The following ANK3 variants were observed in gnomAD, a reference collection of about 807,000 sequenced individuals.
The protein encoded by ANK3 is ankyrin 3, also known as ankyrin-3.
Under a neutral mutation model 370.9 loss-of-function variants are expected in ANK3, and 57 were observed. The observed-to-expected ratio is 0.15, with a 90% confidence interval of 0.12 to 0.19. ANK3 has a LOEUF of 0.19. Among genes scored for constraint, ANK3 ranks in the 10% least tolerant of loss-of-function variants. ANK3 has a pLI of 1.00. For missense variants in ANK3, 4,439 were observed against 5,302.1 expected (o/e 0.84, Z 5.06); for synonymous variants, 1,929 against 1,946.3 (o/e 0.99, Z 0.23).
chr10:60,298,150 G>A (rs2042936081), intron 1 of ANK3, among the ~76,000 whole-genome samples: 1 of 152,090 alleles, frequency 6.6e-6, no homozygotes, highest in African/African-American at 2.4e-5. Flanking sequence ...ACTAAAATTG[G>A]ATTACATTTG....
chr10:60,140,213 A>C, intron 23 of ANK3: 1 of 937,864 alleles, frequency 1.1e-6, no homozygotes, highest in East Asian at 2.4e-5. Context: ...AAATGTAAAA[A>C]CTAAACAGAT....
chr10:60,374,598 A>G (rs1486082367), intron 1 of ANK3, among the ~76,000 whole-genome samples: 1 of 152,210 alleles, frequency 6.6e-6, no homozygotes, highest in East Asian at 1.9e-4. Context: ...TGAGTTCCAA[A>G]TACCAGCTCT....
chr10:60,569,039 C>A (rs563065518), intron 2 of ANK3, among the ~76,000 whole-genome samples: 24 of 127,148 alleles, frequency 1.9e-4, no homozygotes, highest in African/African-American at 6.4e-4. Context: ...GTTTAAGCCA[C>A]CTAGTCTATT....
intron 1 of ANK3, among the ~76,000 whole-genome samples, chr10:60,343,587 A>C (rs1486022733): frequency 6.6e-6 from 1 of 152,216 alleles, no homozygotes; most frequent in East Asian, 1.9e-4. Context: ...AGAGTTGGGA[A>C]GGACTACCAA....
intron 23 of ANK3, among the ~76,000 whole-genome samples, chr10:60,157,940 G>A (rs2095394574): frequency 6.6e-6 from 1 of 151,470 alleles, no homozygotes; most frequent in Non-Finnish European, 1.5e-5. Flanking sequence ...GGCAGGGAAG[G>A]AGGGAGGGAG....
chr10:60,246,880 A>G (rs894428228), intron 7 of ANK3, among the ~76,000 whole-genome samples: 1 of 152,192 alleles, frequency 6.6e-6, no homozygotes, highest in Non-Finnish European at 1.5e-5. Flanking sequence ...CAGCCAATAC[A>G]CACAATCTCA....
At chr10:60,291,822 C>T (rs1006166644) in intron 1 of ANK3, among the ~76,000 whole-genome samples, 1 of 152,066 alleles carries the variant, frequency 6.6e-6, no homozygotes, top group Admixed American at 6.6e-5. Flanking sequence ...AAGCAATCCT[C>T]CCACCTTGAC....
chr10:60,632,195 C>T (rs1358968439), intron 1 of ANK3, among the ~76,000 whole-genome samples: 1 of 148,340 alleles, frequency 6.7e-6, no homozygotes, highest in Non-Finnish European at 1.5e-5. Flanking sequence ...GTTATGTTAT[C>T]TTGGGGCCTT....
intron 1 of ANK3, among the ~76,000 whole-genome samples, chr10:60,321,164 G>A (rs1168024512): frequency 6.6e-6 from 1 of 152,096 alleles, no homozygotes; most frequent in Non-Finnish European, 1.5e-5. Flanking sequence ...TCTGAGGCAG[G>A]AAGATCACTT....
chr10:60,404,857 C>A (rs1403695249), intron 2 of ANK3, among the ~76,000 whole-genome samples: 3 of 152,090 alleles, frequency 2.0e-5, no homozygotes, highest in Admixed American at 6.5e-5. Context: ...GTGACTCCAA[C>A]AAATCAAAAC....
chr10:60,547,444 C>T (rs1017087798), intron 2 of ANK3, among the ~76,000 whole-genome samples: 4 of 150,998 alleles, frequency 2.6e-5, no homozygotes, highest in Non-Finnish European at 5.9e-5. Context: ...CTCTGTTGCC[C>T]GGCTGGAGTG....
At chr10:60,144,828 A>G (rs2094735540) in intron 23 of ANK3, among the ~76,000 whole-genome samples, 1 of 152,184 alleles carries the variant, frequency 6.6e-6, no homozygotes, top group Non-Finnish European at 1.5e-5. Context: ...GGTGTAATAT[A>G]CCCAACCCAA....
chr10:60,679,397 C>T (rs1001442347), intron 1 of ANK3, among the ~76,000 whole-genome samples: 24 of 152,262 alleles, frequency 1.6e-4, no homozygotes, highest in Admixed American at 1.4e-3. Flanking sequence ...CAAGTAAAGG[C>T]AATCTCCCAA....
chr10:60,321,994 C>T (rs2048773779), intron 1 of ANK3, among the ~76,000 whole-genome samples: 1 of 152,094 alleles, frequency 6.6e-6, no homozygotes, highest in Non-Finnish European at 1.5e-5. Flanking sequence ...TTGGACCTCC[C>T]TACTTTTGTA....
At chr10:60,687,368 T>C (rs2079282347) in intron 1 of ANK3, among the ~76,000 whole-genome samples, 1 of 152,180 alleles carries the variant, frequency 6.6e-6, no homozygotes, top group Admixed American at 6.5e-5. Context: ...CCTAGGAACC[T>C]GATTTTACAA....
chr10:60,276,241 T>C (rs939269924), intron 4 of ANK3, among the ~76,000 whole-genome samples: 2 of 152,208 alleles, frequency 1.3e-5, no homozygotes, highest in Admixed American at 1.3e-4. Flanking sequence ...TTACCCTATT[T>C]TTTGTTGGCT....
At chr10:60,133,704 T>C (rs777910372) in intron 25 of ANK3, among the ~76,000 whole-genome samples, 1 of 152,140 alleles carries the variant, frequency 6.6e-6, no homozygotes, top group Non-Finnish European at 1.5e-5. Flanking sequence ...GTGTATCACT[T>C]AAGGTCAGGA....
rs187351955 is a variant in ANK3 at position 60,467,843 on chromosome 10, A to G, written c.96+147343T>C. Among the ~76,000 whole-genome samples the G allele has an allele frequency of 2.1e-3, 327 of 152,308 alleles. 3 individuals carry two copies. Among genetic ancestry groups the G allele is most frequent in the African/African-American group, 6.4e-3 (267 of 41,578 alleles). On this transcript the variant is annotated intron_variant, in intron 2 of 43. Transcript: ENST00000373827. ...AATTTTATAGACTGTTTATGAATAC[A>G]TAAGTTGGAGAAACCTAATAAATAC...
chr10:60,111,460 A>T (rs1390696379), intron 26 of ANK3, among the ~76,000 whole-genome samples: 1 of 152,216 alleles, frequency 6.6e-6, no homozygotes, highest in Non-Finnish European at 1.5e-5. Context: ...TTACAAACTC[A>T]TGTCTTACAT....
Sources: allele counts gnomAD v4.1 joint callset (sites outside exome capture counted in the v4.1 genomes callset), GRCh38; gene constraint gnomAD v4.1.1; transcripts MANE v1.5; gene names NCBI Gene and HGNC (gene_info 2026-07-23, HGNC 2026-07-21).